The following TANGO6 variants were observed in gnomAD, a reference collection of about 807,000 sequenced individuals.
The protein encoded by TANGO6 is transport and Golgi organization protein 6 homolog.
A neutral mutation model predicts 114.2 loss-of-function variants in TANGO6; 90 were observed. The observed-to-expected ratio is 0.79, with a 90% CI of 0.66 to 0.94. TANGO6 has a LOEUF of 0.94. TANGO6 is among the 40% of genes least tolerant of loss of function. The pLI is 0.00. For missense variants in TANGO6, 1,274 were observed against 1,315.3 expected, an observed-to-expected ratio of 0.97 and a Z score of 0.49; for synonymous variants, 477 against 509.8, an observed-to-expected ratio of 0.94 and a Z score of 0.87.
At chr16:69,019,497 CT>C (rs1286082347) in intron 15 of TANGO6, among the ~76,000 whole-genome samples, 1 of 152,026 alleles carries the variant, frequency 6.6e-6, no homozygotes, top group Admixed American at 6.6e-5. Flanking sequence ...TGCTTTGGAC[CT>C]TGAGGGGAAA....
chr16:68,927,785 C>T lies in TANGO6; in HGVS notation c.2345C>T (p.Thr782Ile), dbSNP rs749178962. The T allele has an allele frequency of 3.7e-6, 6 of 1,613,844 alleles. No individual in the cohort carries two copies. The East Asian group carries it at 1.3e-4, about 36-fold the overall frequency. Reference protein sequence around the residue: ...LEGKIEEQQQTSHERPTDVAH... With the variant: ...LEGKIEEQQQISHERPTDVAH... ...GGGAAAATAGAAGAGCAGCAACAAA[C>T]CAGTCATGAAAGACCCACTGATGTA... The change falls in exon 13 of 18, where the codon ACC (threonine) becomes ATC (isoleucine). Residue 782 changes from threonine to isoleucine, a missense_variant. This residue lies in a region of TANGO6 where 908 missense variants were observed against 910.2 expected (regional missense o/e 1.00). Transcript: ENST00000261778.
At chr16:68,903,126 T>C (rs1337104371) in intron 9 of TANGO6, among the ~76,000 whole-genome samples, 1 of 152,232 alleles carries the variant, frequency 6.6e-6, no homozygotes, top group Non-Finnish European at 1.5e-5. Context: ...TGCTATCCTG[T>C]TTGGATTTCA....
chr16:68,999,143 A>G (rs1461920306), intron 15 of TANGO6, among the ~76,000 whole-genome samples: 1 of 152,090 alleles, frequency 6.6e-6, no homozygotes, highest in Non-Finnish European at 1.5e-5. Context: ...TCGGCTTCCC[A>G]ATGTGCTAGG....
In TANGO6 at chr16:69,036,228, A is replaced by G. The variant is rs565353249; in HGVS notation, c.2995-4080A>G. ...GAAGTGACTTTTCCAGCCTGGATACATAGAAGAGAGTGGCCTACATCCTCC... is the reference window on the plus strand; with the variant it reads ...GAAGTGACTTTTCCAGCCTGGATACGTAGAAGAGAGTGGCCTACATCCTCC... On this transcript the variant is annotated intron_variant, in intron 16 of 17. Transcript: ENST00000261778. Among the ~76,000 whole-genome samples, 3 of 152,190 alleles carry G rather than the reference A, an allele frequency of 2.0e-5. No individual in the cohort carries two copies. In the East Asian group the frequency reaches 5.8e-4, roughly 29 times the overall value.
chr16:68,862,061 G>A (rs1259956196), intron 2 of TANGO6, among the ~76,000 whole-genome samples: 5 of 150,338 alleles, frequency 3.3e-5, no homozygotes, highest in South Asian at 2.1e-4. Flanking sequence ...TTTTTGAGAC[G>A]GAGCCTTGCT....
intron 1 of TANGO6, chr16:68,847,001 C>G (rs1340336841): frequency 6.6e-6 from 1 of 151,928 alleles, no homozygotes; most frequent in East Asian, 1.9e-4. Context: ...AGCGATTCTC[C>G]TGCCTCAGCC....
Position 69,067,627 on chromosome 16 carries a change from G to A in TANGO6, c.3109-15858G>A, listed in dbSNP as rs143803378. ...GAGGTCAGGAGTTGGAGACCAGCCT[G>A]GGCAACATGGTGAAACCCTGTCTCT... On this transcript the variant is annotated intron_variant, in intron 17 of 17. Transcript: ENST00000261778. Among the ~76,000 whole-genome samples the A allele has an allele frequency of 7.7e-3, 1,163 of 150,818 alleles. 13 individuals are homozygous for A. The highest frequency in any genetic ancestry group is 0.027 in the African/African-American group (1,097 of 41,032).
At chr16:68,927,471 C>T in intron 12 of TANGO6, 97 bp from the exon 13 acceptor site, 10 of 1,349,162 alleles carry the variant, frequency 7.4e-6, no homozygotes, top group East Asian at 2.3e-5. Flanking sequence ...AGATTTGATC[C>T]CTGCCCTTTT....
At chr16:68,953,892 C>T (rs1011374077) in intron 14 of TANGO6, among the ~76,000 whole-genome samples, 2 of 151,938 alleles carry the variant, frequency 1.3e-5, no homozygotes, top group South Asian at 2.1e-4. Context: ...AGCAAGGGAA[C>T]GAGGCAGTAA....
At chr16:69,063,593 G>A (rs1323437201) in intron 17 of TANGO6, among the ~76,000 whole-genome samples, 1 of 140,110 alleles carries the variant, frequency 7.1e-6, no homozygotes, top group African/African-American at 2.6e-5. Context: ...AGCTGAGGCT[G>A]GAGAATCGCT....
chr16:69,000,177 T>A (rs1964027726), intron 15 of TANGO6, among the ~76,000 whole-genome samples: 1 of 152,330 alleles, frequency 6.6e-6, no homozygotes, highest in African/African-American at 2.4e-5. Context: ...TTGGAACACA[T>A]ACCAGTAACA....
At chr16:68,892,514 T>C (rs1211893725) in intron 7 of TANGO6, among the ~76,000 whole-genome samples, 1 of 150,364 alleles carries the variant, frequency 6.7e-6, no homozygotes, top group African/African-American at 2.4e-5. Context: ...AGTCTTTCTT[T>C]TTTTTTTTTT....
chr16:68,966,506 A>G (rs1189069858), intron 14 of TANGO6, among the ~76,000 whole-genome samples: 4 of 152,104 alleles, frequency 2.6e-5, no homozygotes, highest in Non-Finnish European at 5.9e-5. Flanking sequence ...TCCATCTCAA[A>G]AAAAAATAAA....
At chr16:69,015,489 T>TTTATTTATTTATTTAA (rs1959279178) in intron 15 of TANGO6, among the ~76,000 whole-genome samples, 2 of 151,366 alleles carry the variant, frequency 1.3e-5, no homozygotes, top group Admixed American at 1.3e-4. Flanking sequence ...TATTTATTTA[T>TTTATTTATTTATTTAA]TTATTTATTT....
intron 15 of TANGO6, among the ~76,000 whole-genome samples, chr16:68,980,764 C>T (rs993651562): frequency 5.3e-5 from 8 of 151,910 alleles, no homozygotes; most frequent in African/African-American, 1.7e-4. Flanking sequence ...TTTGGGAGGC[C>T]GAGGTGGGCG....
At chr16:69,036,904 A>C (rs376178396) in intron 16 of TANGO6, among the ~76,000 whole-genome samples, 3 of 151,972 alleles carry the variant, frequency 2.0e-5, no homozygotes, top group African/African-American at 7.2e-5. Flanking sequence ...TGAAGGCTGC[A>C]GTGAGCTGAG....
chr16:68,872,428 A>C (rs1281701997), intron 4 of TANGO6, among the ~76,000 whole-genome samples: 3 of 151,332 alleles, frequency 2.0e-5, no homozygotes, highest in South Asian at 2.1e-4. Context: ...CAGCCTCCCA[A>C]GTAGCTGGGA....
chr16:68,859,255 C>T (rs192925285), intron 1 of TANGO6, among the ~76,000 whole-genome samples: 5 of 152,300 alleles, frequency 3.3e-5, no homozygotes, highest in Admixed American at 2.0e-4. Flanking sequence ...ACTGCAGCCT[C>T]GACTTCCTGG....
At chr16:69,076,368 A>G (rs936195677) in intron 17 of TANGO6, among the ~76,000 whole-genome samples, 6 of 152,148 alleles carry the variant, frequency 3.9e-5, no homozygotes, top group Non-Finnish European at 1.5e-5. Context: ...CTAGGATTAC[A>G]TGCGTGAGCC....
Sources: allele counts gnomAD v4.1 joint callset (sites outside exome capture counted in the v4.1 genomes callset), GRCh38; gene constraint gnomAD v4.1.1; regional missense constraint gnomAD v4.1.1; transcripts MANE v1.5; gene names NCBI Gene and HGNC (gene_info 2026-07-23, HGNC 2026-07-21).